The following TRDN variants were observed in gnomAD, a reference collection of about 807,000 sequenced individuals.
TRDN encodes triadin in skeletal muscle.
A neutral mutation model predicts 149.7 loss-of-function variants in TRDN; 161 were observed. The observed-to-expected ratio is 1.08, with a 90% CI of 0.95 to 1.23. The LOEUF is 1.23. Among genes scored for constraint, TRDN ranks in the 50% most tolerant of loss-of-function variants. TRDN has a pLI of 0.00. For synonymous variants in TRDN, 294 were observed against 250.5 expected (o/e 1.17, Z -1.64); for missense variants, 896 against 823.5 (o/e 1.09, Z -1.08).
intron 18 of TRDN, 24 bp downstream of exon 18, chr6:123,377,692 T>C (rs755056694): frequency 6.2e-7 from 1 of 1,612,990 alleles, no homozygotes; most frequent in East Asian, 2.2e-5. Flanking sequence ...GTATTCGGAA[T>C]CCAGCAACAG....
At position 123,217,587 on chromosome 6, in the gene TRDN, C is replaced by T. The variant is rs1775004111; in HGVS notation, c.*1014G>A. On this transcript the variant is annotated 3_prime_UTR_variant, in exon 41 of 41. Coordinates refer to ENST00000334268, the MANE Select transcript of TRDN (RefSeq NM_006073.4). ...AAAATTGTTATCCATGTCATTGGCA[C>T]TGATGACCAGTTACCTAAAATACAA... 1.3e-5 allele frequency: 2 copies of T among 151,966 alleles called. No individual in the cohort carries two copies. The highest frequency in any genetic ancestry group is 4.8e-5 in the African/African-American group (2 of 41,410). The allele number at this position is 151,966 out of a possible 1,614,324, so 9.4% of individuals were successfully genotyped here.
At chr6:123,548,640 G>T in intron 2 of TRDN, 28 bp from the exon 3 acceptor site, 1 of 1,029,654 alleles carries the variant, frequency 9.7e-7, no homozygotes, top group Non-Finnish European at 1.3e-6. Flanking sequence ...AAAAAAAAAA[G>T]AAAAAGTTTG....
intron 12 of TRDN, among the ~76,000 whole-genome samples, chr6:123,424,459 A>T (rs985337268): frequency 1.3e-5 from 2 of 151,966 alleles, no homozygotes; most frequent in African/African-American, 4.8e-5. Context: ...AAAACAACTC[A>T]TGCATCAATT....
In TRDN at chr6:123,381,393, GA is replaced by G; in HGVS notation, c.1166-4del. Reference sequence around the variant, plus strand: ...ACTTTTTCCCTTGGGTTGTTCTACTGAAAGAAATACAAACAAAATCATTGCT... The same window carrying G: ...ACTTTTTCCCTTGGGTTGTTCTACTGAAGAAATACAAACAAAATCATTGCT... On this transcript the variant is annotated splice_polypyrimidine_tract_variant and splice_region_variant and intron_variant, in intron 15 of 40. Transcript: ENST00000334268. 6.4e-7 allele frequency: 1 copy of G among 1,556,406 alleles called. No individual in the cohort carries two copies.
At chr6:123,529,654 G>A (rs9490797) in intron 5 of TRDN, among the ~76,000 whole-genome samples, 86,215 of 151,850 alleles carry the variant, frequency 0.57, 25,332 homozygotes, top group Non-Finnish European at 0.65. Context: ...TGCATTAGCT[G>A]GTTTATGACA....
At chr6:123,554,348 T>A (rs773077380) in intron 2 of TRDN, among the ~76,000 whole-genome samples, 26 of 152,312 alleles carry the variant, frequency 1.7e-4, no homozygotes, top group Middle Eastern at 3.4e-3. Context: ...TGTACAATAT[T>A]CTAAGTGTAA....
intron 11 of TRDN, among the ~76,000 whole-genome samples, chr6:123,438,324 ACT>A (rs1774690446): frequency 6.6e-6 from 1 of 151,200 alleles, no homozygotes. Context: ...AGGAAACAGA[ACT>A]TTTTTTTTTT....
intron 12 of TRDN, among the ~76,000 whole-genome samples, chr6:123,396,235 C>T (rs959157802): frequency 1.3e-5 from 2 of 152,102 alleles, no homozygotes; most frequent in Non-Finnish European, 2.9e-5. Context: ...TTTCTGCCAA[C>T]TACAAAAGAA....
chr6:123,344,088 T>C (rs1780164070), intron 21 of TRDN, among the ~76,000 whole-genome samples: 1 of 152,058 alleles, frequency 6.6e-6, no homozygotes, highest in South Asian at 2.1e-4. Context: ...CAGCCTGATT[T>C]TAGGCTTCCA....
intron 2 of TRDN, among the ~76,000 whole-genome samples, chr6:123,567,485 C>T (rs1247251818): frequency 1.3e-5 from 2 of 152,112 alleles, no homozygotes; most frequent in East Asian, 1.9e-4. Context: ...TTGGCTCACA[C>T]TTCTGCAGTC....
intron 12 of TRDN, among the ~76,000 whole-genome samples, chr6:123,409,714 C>T (rs974687620): frequency 1.3e-5 from 2 of 151,812 alleles, no homozygotes; most frequent in Non-Finnish European, 2.9e-5. Flanking sequence ...CACACACACA[C>T]ACCCAAAACT....
chr6:123,306,598 C>G (rs961019808), intron 24 of TRDN, among the ~76,000 whole-genome samples: 1 of 152,098 alleles, frequency 6.6e-6, no homozygotes, highest in Admixed American at 6.6e-5. Context: ...TTATCTATAG[C>G]TTCCGAGATA....
At chr6:123,593,413 A>C (rs1783885369) in intron 1 of TRDN, among the ~76,000 whole-genome samples, 2 of 152,246 alleles carry the variant, frequency 1.3e-5, no homozygotes, top group African/African-American at 4.8e-5. Context: ...AAAAAAATAA[A>C]TGCTATGTTA....
chr6:123,226,847 T>C (rs1472443333), intron 38 of TRDN, among the ~76,000 whole-genome samples: 1 of 151,944 alleles, frequency 6.6e-6, no homozygotes, highest in South Asian at 2.1e-4. Context: ...CAATGAAATT[T>C]TAAAGAGTGA....
intron 38 of TRDN, among the ~76,000 whole-genome samples, chr6:123,232,372 G>C (rs1386325454): frequency 6.6e-6 from 1 of 152,002 alleles, no homozygotes; most frequent in African/African-American, 2.4e-5. Flanking sequence ...CTTGAGGTTA[G>C]CTATTTGGGG....
At chr6:123,544,412 G>A (rs564754386) in intron 4 of TRDN, among the ~76,000 whole-genome samples, 5 of 151,930 alleles carry the variant, frequency 3.3e-5, no homozygotes, top group South Asian at 4.2e-4. Context: ...GTTATAAACC[G>A]GGCATGCTCT....
intron 1 of TRDN, among the ~76,000 whole-genome samples, chr6:123,617,084 A>C (rs1785128071): frequency 6.6e-6 from 1 of 152,132 alleles, no homozygotes; most frequent in African/African-American, 2.4e-5. Flanking sequence ...GGTTTCATGA[A>C]ATTAATCTCT....
intron 12 of TRDN, among the ~76,000 whole-genome samples, chr6:123,408,214 G>A (rs541951718): frequency 1.3e-5 from 2 of 152,076 alleles, no homozygotes; most frequent in Non-Finnish European, 2.9e-5. Context: ...TATTTATCTT[G>A]TTCATCCCAA....
At chr6:123,454,807 G>T (rs1403011765) in intron 10 of TRDN, among the ~76,000 whole-genome samples, 1 of 152,198 alleles carries the variant, frequency 6.6e-6, no homozygotes, top group Non-Finnish European at 1.5e-5. Flanking sequence ...TCTAATGCCT[G>T]ATGATCTGAA....
Sources: gnomAD v4.1 joint callset for allele counts (sites outside exome capture counted in the v4.1 genomes callset) on GRCh38, gnomAD v4.1.1 for gene constraint, MANE v1.5 for transcripts, NCBI Gene and HGNC (gene_info 2026-07-23, HGNC 2026-07-21) for gene names.